The following DPP6 variants were observed in gnomAD, a reference collection of about 807,000 sequenced individuals.
The protein encoded by DPP6 is A-type potassium channel modulatory protein DPP6.
In DPP6, 69 loss-of-function variants were observed where a neutral mutation model predicts 122.6. That is an observed-to-expected ratio of 0.56 (90% CI 0.46 to 0.69). DPP6 has a LOEUF of 0.69. DPP6 is among the 30% of genes least tolerant of loss of function. The probability of loss-of-function intolerance (pLI) is 0.00; values close to 1 mark genes in which losing one functional copy is unlikely to be tolerated. For synonymous variants in DPP6, 418 were observed against 433.1 expected (o/e 0.97, Z 0.43); for missense variants, 928 against 1,116.9 (o/e 0.83, Z 2.41).
intron 1 of DPP6, among the ~76,000 whole-genome samples, chr7:154,031,016 C>T (rs901853923): frequency 9.9e-5 from 15 of 152,038 alleles, no homozygotes; most frequent in Non-Finnish European, 1.5e-5. Context: ...CTAGCTCAGC[C>T]CACCAAGAGC....
chr7:154,256,716 G>T (rs976479465), intron 1 of DPP6, among the ~76,000 whole-genome samples: 2 of 152,178 alleles, frequency 1.3e-5, no homozygotes, highest in Admixed American at 6.5e-5. Flanking sequence ...CGTCATTGTG[G>T]AAAGGAGAGA....
At chr7:154,621,461 T>C (rs543741215) in intron 5 of DPP6, among the ~76,000 whole-genome samples, 4 of 152,268 alleles carry the variant, frequency 2.6e-5, no homozygotes, top group South Asian at 2.1e-4. Context: ...CTCCGCCTCC[T>C]GGGTTCAAGC....
intron 10 of DPP6, among the ~76,000 whole-genome samples, chr7:154,776,236 A>ATAGATAGATAGATAGATAT (rs1468612932): frequency 2.5e-5 from 1 of 40,694 alleles, no homozygotes; most frequent in African/African-American, 1.2e-4. Flanking sequence ...TAGATAGATA[A>ATAGATAGATAGATAGATAT]ACAGATACAT....
At position 154,490,472 on chromosome 7, in the gene DPP6, C is replaced by T. The variant is rs139315743; in HGVS notation, c.457+15435C>T. Among the ~76,000 whole-genome samples, 22 of 152,266 alleles carry T rather than the reference C, an allele frequency of 1.4e-4. No homozygotes were observed. The East Asian group carries it at 4.3e-3, about 29-fold the overall frequency. ...TAAAGGATGAGTTTGTCAGCAGTGCCCCGTGGCTGCCTGGGGCTCTGAAGG... is the reference window on the plus strand; with the variant it reads ...TAAAGGATGAGTTTGTCAGCAGTGCTCCGTGGCTGCCTGGGGCTCTGAAGG... On this transcript the variant is annotated intron_variant, in intron 3 of 25. Transcript: ENST00000377770.
intron 1 of DPP6, chr7:154,305,212 T>C: frequency 8.7e-7 from 1 of 1,146,494 alleles, no homozygotes; most frequent in Non-Finnish European, 1.1e-6. Context: ...TAAGCAGTTA[T>C]CATTGTTTCT....
At chr7:154,148,652 A>G (rs1796243939) in intron 1 of DPP6, among the ~76,000 whole-genome samples, 1 of 152,306 alleles carries the variant, frequency 6.6e-6, no homozygotes, top group African/African-American at 2.4e-5. Flanking sequence ...CACTACTAGA[A>G]GGCTTTAATT....
At chr7:154,584,301 C>A (rs1056360030) in intron 5 of DPP6, among the ~76,000 whole-genome samples, 9 of 152,238 alleles carry the variant, frequency 5.9e-5, no homozygotes, top group Admixed American at 5.9e-4. Flanking sequence ...CCTCACAGTT[C>A]TCCCACGCCC....
chr7:154,033,414 C>G (rs1319045766), intron 1 of DPP6, among the ~76,000 whole-genome samples: 1 of 152,242 alleles, frequency 6.6e-6, no homozygotes, highest in Non-Finnish European at 1.5e-5. Flanking sequence ...GGCTGTTTCT[C>G]TGTCTCTAAA....
At chr7:154,590,688 C>A in intron 5 of DPP6, among the ~76,000 whole-genome samples, 1 of 150,368 alleles carries the variant, frequency 6.7e-6, no homozygotes, top group Non-Finnish European at 1.5e-5. Flanking sequence ...GCATGTGCCA[C>A]CACACCCGGC....
chr7:154,060,142 C>A (rs1292194176), intron 1 of DPP6, among the ~76,000 whole-genome samples: 4 of 144,442 alleles, frequency 2.8e-5, no homozygotes, highest in African/African-American at 1.0e-4. Flanking sequence ...ACCTTTCCTC[C>A]CCTGGCTCTT....
At chr7:154,579,335 G>C in intron 5 of DPP6, among the ~76,000 whole-genome samples, 1 of 151,950 alleles carries the variant, frequency 6.6e-6, no homozygotes, top group Non-Finnish European at 1.5e-5. Context: ...GGCAACAAGA[G>C]CAAAACTCCG....
rs984824451 is a variant in DPP6, at chr7:154,241,035, T to A, written c.243+187972T>A. Among the ~76,000 whole-genome samples the A allele has an allele frequency of 3.3e-5, 5 of 152,180 alleles. No homozygotes were observed. The highest frequency in any genetic ancestry group is 7.3e-5 in the Non-Finnish European group (5 of 68,044). On this transcript the variant is annotated intron_variant, in intron 1 of 25. Transcript: ENST00000377770. The surrounding 1 kb of genome is among the most constrained non-coding windows in gnomAD (Gnocchi z 9.0). The stretch of plus-strand genomic sequence containing the variant: ...TAGTAGGCCAGCTCATTCTCAGTCA[T>A]TATGTGATTTGTTGGAATATTGTGA...
At chr7:154,373,509 T>A (rs12703349) in intron 1 of DPP6, among the ~76,000 whole-genome samples, 7 of 151,926 alleles carry the variant, frequency 4.6e-5, no homozygotes, top group African/African-American at 1.2e-4. Context: ...GCCTTGCAAA[T>A]GGGCACAATT....
At chr7:154,625,632 C>G (rs1835016864) in intron 5 of DPP6, among the ~76,000 whole-genome samples, 1 of 152,188 alleles carries the variant, frequency 6.6e-6, no homozygotes, top group South Asian at 2.1e-4. Context: ...GCACTTGACC[C>G]TCAGTGCTAT....
chr7:154,681,268 A>C (rs929927183), intron 7 of DPP6, among the ~76,000 whole-genome samples: 3 of 152,186 alleles, frequency 2.0e-5, no homozygotes, highest in African/African-American at 7.2e-5. Flanking sequence ...CGACTGAAAC[A>C]GTGTATCATT....
the DPP6 span, among the ~76,000 whole-genome samples, chr7:153,766,196 A>T: frequency 6.6e-6 from 1 of 152,232 alleles, no homozygotes; most frequent in Non-Finnish European, 1.5e-5. Flanking sequence ...ATTTCTTTGA[A>T]CTGGGGTTAG....
chr7:154,648,921 A>G (rs1308731217), intron 6 of DPP6, among the ~76,000 whole-genome samples: 27 of 13,614 alleles, frequency 2.0e-3, no homozygotes, highest in Admixed American at 6.4e-3. Context: ...CCATCTTAAA[A>G]AAAAAAAAAA....
intron 9 of DPP6, among the ~76,000 whole-genome samples, chr7:154,771,936 C>T (rs773554454): frequency 2.0e-5 from 3 of 152,184 alleles, no homozygotes; most frequent in Admixed American, 6.5e-5. Flanking sequence ...CCACCCCACC[C>T]GCCAGAAGAG....
intron 1 of DPP6, among the ~76,000 whole-genome samples, chr7:154,210,106 G>T (rs1799661565): frequency 6.6e-6 from 1 of 152,208 alleles, no homozygotes; most frequent in African/African-American, 2.4e-5. Context: ...TTTGTTGGAA[G>T]AAAGGGATTC....
Sources: gnomAD v4.1 joint callset for allele counts (sites outside exome capture counted in the v4.1 genomes callset) on GRCh38, gnomAD v4.1.1 for gene constraint, Gnocchi (gnomAD v3.1) non-coding constraint, MANE v1.5 for transcripts, NCBI Gene and HGNC (gene_info 2026-07-23, HGNC 2026-07-21) for gene names.